The following PRPF19 variants were observed in gnomAD, a reference collection of about 807,000 sequenced individuals.
PRPF19 encodes pre-mRNA processing factor 19, also known as pre-mRNA-processing factor 19.
PRPF19 carries 2 observed loss-of-function variants against 64.2 expected under a neutral mutation model. The observed-to-expected ratio is 0.03, with a 90% confidence interval of 0.01 to 0.10. The LOEUF is 0.10. Among genes scored for constraint, PRPF19 ranks in the 10% least tolerant of loss-of-function variants. The pLI, the probability that PRPF19 is intolerant of heterozygous loss-of-function variation, is 1.00. For missense variants in PRPF19, 314 were observed against 650.0 expected, an observed-to-expected ratio of 0.48 and a Z score of 5.62; for synonymous variants, 226 against 251.6, an observed-to-expected ratio of 0.90 and a Z score of 0.96.
rs867272300 is a variant in PRPF19, at chr11:60,903,378, A to G, written c.246+81T>C. ...AAGTTTACCCTCTAAATAATGCTCC[A>G]TCCTTCCTACCCCCAAGTCCTAACC... On this transcript the variant is annotated intron_variant, in intron 3 of 15. Coordinates refer to ENST00000227524, the MANE Select transcript of PRPF19 (RefSeq NM_014502.5). 2.1e-6 allele frequency: 3 copies of G among 1,403,968 alleles called. 1 individual carries two copies. The South Asian group carries it at 3.9e-5, about 18-fold the overall frequency. The allele number at this position is 1,403,968 out of a possible 1,614,324, so 87.0% of individuals were successfully genotyped here. A position where few individuals can be genotyped will look rare whatever the true frequency, so the allele number is the denominator to read the frequency against.
intron 1 of PRPF19, among the ~76,000 whole-genome samples, chr11:60,905,669 G>A (rs914975815): frequency 1.3e-5 from 2 of 152,234 alleles, no homozygotes; most frequent in Non-Finnish European, 2.9e-5. Flanking sequence ...CCTTAGATAA[G>A]CCCCGCTCTT....
intron 6 of PRPF19, among the ~76,000 whole-genome samples, chr11:60,901,792 G>C (rs1281388229): frequency 1.3e-5 from 2 of 152,194 alleles, no homozygotes; most frequent in East Asian, 1.9e-4. Flanking sequence ...AGGTCGCAGA[G>C]GTGATAAACA....
chr11:60,898,475 A>G lies in PRPF19; in HGVS notation c.1140+66T>C. ...GGCCAGGTGCCACAAGCACCTAATT[A>G]GCACTGCATTGTCACAAACACTCCC... is the stretch of plus-strand genomic sequence containing the variant. On this transcript the variant is annotated intron_variant, in intron 13 of 15. Transcript: ENST00000227524. The surrounding 1 kb of genome is among the most constrained non-coding windows in gnomAD (Gnocchi z 4.6). The G allele has an allele frequency of 6.2e-7, 1 of 1,610,970 alleles. No homozygotes were observed. Among genetic ancestry groups the G allele is most frequent in the Non-Finnish European group, 8.5e-7 (1 of 1,178,502 alleles).
chr11:60,901,101 T>C (rs1220845359), intron 8 of PRPF19, among the ~76,000 whole-genome samples, 172 bp from the exon 9 acceptor site: 2 of 152,082 alleles, frequency 1.3e-5, no homozygotes, highest in Non-Finnish European at 2.9e-5. Context: ...ACTCCCTCAC[T>C]GCATCACTAG....
At chr11:60,903,151 C>T (rs1233215180) in intron 3 of PRPF19, among the ~76,000 whole-genome samples, 12 of 152,104 alleles carry the variant, frequency 7.9e-5, no homozygotes, top group Non-Finnish European at 1.6e-4. Flanking sequence ...GCTGTCATGC[C>T]GTCCCCTCTC....
chr11:60,892,000 A>C (rs779745650), intron 15 of PRPF19, among the ~76,000 whole-genome samples: 1 of 152,188 alleles, frequency 6.6e-6, no homozygotes, highest in Non-Finnish European at 1.5e-5. Flanking sequence ...GAATTTCATC[A>C]ACACACACAG....
At chr11:60,900,787 A>G in intron 9 of PRPF19, 67 bp downstream of exon 9, 1 of 1,598,784 alleles carries the variant, frequency 6.3e-7, no homozygotes, top group Admixed American at 1.7e-5. Context: ...TGAAGAGGAC[A>G]AGGAGCATGC....
chr11:60,890,676 C>G lies in PRPF19; in HGVS notation c.*490G>C, dbSNP rs1467934322. On this transcript the variant is annotated 3_prime_UTR_variant, in exon 16 of 16. Transcript: ENST00000227524. ...CCCAGTGTGTGCTCCCTCCCCTTGACCTTCCCAGTCCCAGGTGCTCCTGGT... is the reference window on the plus strand; with the variant it reads ...CCCAGTGTGTGCTCCCTCCCCTTGAGCTTCCCAGTCCCAGGTGCTCCTGGT... The G allele has an allele frequency of 2.2e-6, 1 of 451,292 alleles. No individual in the cohort carries two copies. Among genetic ancestry groups the G allele is most frequent in the African/African-American group, 2.0e-5 (1 of 49,820 alleles). The allele number at this position is 451,292 out of a possible 1,614,324, so 28.0% of individuals were successfully genotyped here.
At chr11:60,901,750 C>G (rs1855986390) in intron 6 of PRPF19, among the ~76,000 whole-genome samples, 1 of 152,166 alleles carries the variant, frequency 6.6e-6, no homozygotes, top group Non-Finnish European at 1.5e-5. Flanking sequence ...GCTGAGGAAA[C>G]TGAGCCTCAG....
At chr11:60,900,434 C>T (rs1855971583) in intron 10 of PRPF19, 148 bp downstream of exon 10, 5 of 650,482 alleles carry the variant, frequency 7.7e-6, no homozygotes, top group Non-Finnish European at 1.1e-5. Context: ...GCAATCTCCA[C>T]AACTCCAAAG....
intron 15 of PRPF19, among the ~76,000 whole-genome samples, chr11:60,893,388 C>T (rs1855884868): frequency 6.6e-6 from 1 of 151,844 alleles, no homozygotes; most frequent in African/African-American, 2.4e-5. Flanking sequence ...CCTGAAGTCC[C>T]AGCTACTCGG....
In PRPF19 at chr11:60,898,469, C is replaced by G; in HGVS notation, c.1140+72G>C. Reference sequence around the variant, plus strand: ...CTTCAGGGCCAGGTGCCACAAGCACCTAATTAGCACTGCATTGTCACAAAC... The same window carrying G: ...CTTCAGGGCCAGGTGCCACAAGCACGTAATTAGCACTGCATTGTCACAAAC... On this transcript the variant is annotated intron_variant, in intron 13 of 15. Coordinates refer to ENST00000227524, the MANE Select transcript of PRPF19 (RefSeq NM_014502.5). The surrounding 1 kb of genome is among the most constrained non-coding windows in gnomAD (Gnocchi z 4.6). 1 of 1,608,132 alleles carries G rather than the reference C, an allele frequency of 6.2e-7. No individual in the cohort carries two copies. Among genetic ancestry groups the G allele is most frequent in the Non-Finnish European group, 8.5e-7 (1 of 1,176,708 alleles).
chr11:60,903,854 G>A lies in PRPF19; in HGVS notation c.27C>T (p.Asn9=), dbSNP rs759259461. Residue 9 remains asparagine, a synonymous_variant, in exon 2 of 16, where the codon AAC becomes AAT. Transcript: ENST00000227524. MSLICSIS[N]EVPEHPCVSP... ...ATACACATGGGTGCTCCGGCACTTC[G>A]TTAGAGACTGTAGAGAAAAGGCTGG... is the stretch of plus-strand genomic sequence containing the variant. 3.9e-5 allele frequency: 63 copies of A among 1,608,404 alleles called. No individual in the cohort carries two copies. Among genetic ancestry groups the A allele is most frequent in the African/African-American group, 1.6e-4 (12 of 74,256 alleles).
chr11:60,893,666 T>C (rs1855887854), intron 15 of PRPF19, among the ~76,000 whole-genome samples: 1 of 151,632 alleles, frequency 6.6e-6, no homozygotes, highest in Non-Finnish European at 1.5e-5. Context: ...CATATAAAAG[T>C]TATGTTGGCC....
intron 1 of PRPF19, among the ~76,000 whole-genome samples, chr11:60,904,232 C>T (rs914098726): frequency 2.0e-5 from 3 of 152,236 alleles, no homozygotes; most frequent in African/African-American, 4.8e-5. Context: ...TGGAGATACA[C>T]ATGAAGCCAT....
Position 60,900,565 on chromosome 11 carries a change from C to G in PRPF19, c.828+17G>C. On this transcript the variant is annotated intron_variant, in intron 10 of 15. Coordinates refer to ENST00000227524, the MANE Select transcript of PRPF19 (RefSeq NM_014502.5). ...CCAAGGAAAGAAGAACCAAGGGTGG[C>G]GAGGAGAACCCCTTACCTGGGAAGG... is the stretch of plus-strand genomic sequence containing the variant. The G allele has an allele frequency of 6.6e-7, 1 of 1,521,936 alleles. No individual in the cohort carries two copies. The highest frequency in any genetic ancestry group is 8.9e-7 in the Non-Finnish European group (1 of 1,120,964). The allele number at this position is 1,521,936 out of a possible 1,614,324, so 94.3% of individuals were successfully genotyped here. A position where few individuals can be genotyped will look rare whatever the true frequency, so the allele number is the denominator to read the frequency against.
In PRPF19 at chr11:60,899,440, C is replaced by T. The variant is rs1052421184; in HGVS notation, c.829-136G>A. ...TTCAGCTCTGCCCTCCCTGGAACCA[C>T]CTATCCACCCAATGGTGCCCAAGAC... On this transcript the variant is annotated intron_variant, in intron 10 of 15. Transcript: ENST00000227524. The T allele has an allele frequency of 5.4e-6, 5 of 928,044 alleles. No individual in the cohort carries two copies. In the East Asian group the frequency reaches 1.3e-4, roughly 25 times the overall value. The allele number at this position is 928,044 out of a possible 1,614,324, so 57.5% of individuals were successfully genotyped here.
intron 15 of PRPF19, among the ~76,000 whole-genome samples, chr11:60,893,928 T>C (rs927102175): frequency 6.6e-6 from 1 of 152,188 alleles, no homozygotes; most frequent in African/African-American, 2.4e-5. Context: ...CAAAAAAAAA[T>C]GTTATGTTTA....
At position 60,906,495 on chromosome 11, in the gene PRPF19, T is replaced by C; in HGVS notation, c.-113A>G. Reference sequence around the variant, plus strand: ...CTGCCGGGACTGCTCCGCGGCGAGCTGGGAGCCGCCAGCCGAGCGATGCTA... The same window carrying C: ...CTGCCGGGACTGCTCCGCGGCGAGCCGGGAGCCGCCAGCCGAGCGATGCTA... On this transcript the variant is annotated 5_prime_UTR_variant, in exon 1 of 16. Transcript: ENST00000227524. The C allele has an allele frequency of 8.4e-7, 1 of 1,194,824 alleles. No individual in the cohort carries two copies. The highest frequency in any genetic ancestry group is 1.4e-5 in the South Asian group (1 of 72,002). The allele number at this position is 1,194,824 out of a possible 1,614,324, so 74.0% of individuals were successfully genotyped here. A position where few individuals can be genotyped will look rare whatever the true frequency, so the allele number is the denominator to read the frequency against.
Sources: allele counts gnomAD v4.1 joint callset (sites outside exome capture counted in the v4.1 genomes callset), GRCh38; gene constraint gnomAD v4.1.1; non-coding constraint Gnocchi (gnomAD v3.1); transcripts MANE v1.5; gene names NCBI Gene and HGNC (gene_info 2026-07-23, HGNC 2026-07-21).